Variants in LRRC37A2 observed in about 807,000 individuals in gnomAD.
LRRC37A2 encodes leucine-rich repeat-containing protein 37A2.
In LRRC37A2, 9 loss-of-function variants were observed where a neutral mutation model predicts 68.8. The ratio of observed to expected loss-of-function variants is 0.13; its 90% CI spans 0.08 to 0.23. The LOEUF is 0.23. Ranked by LOEUF, LRRC37A2 falls within the 10% of genes least tolerant of loss-of-function variation. LRRC37A2 has a pLI of 1.00. For synonymous variants in LRRC37A2, 63 were observed against 367.6 expected, an observed-to-expected ratio of 0.17 and a Z score of 9.48; for missense variants, 168 against 950.4, an observed-to-expected ratio of 0.18 and a Z score of 10.82.
At chr17:46,896,347 A>C in the LRRC37A2 span, among the ~76,000 whole-genome samples, 1 of 150,530 alleles carries the variant, frequency 6.6e-6, no homozygotes, top group African/African-American at 2.5e-5. Context: ...GAGAGAAAGA[A>C]AGAAAGAAAA....
the LRRC37A2 span, among the ~76,000 whole-genome samples, chr17:46,927,387 C>G: frequency 2.0e-5 from 3 of 151,974 alleles, no homozygotes; most frequent in African/African-American, 7.3e-5. Context: ...TCAGATGTAT[C>G]CATCTTTTTC....
chr17:47,027,160 C>G, the LRRC37A2 span, among the ~76,000 whole-genome samples: 1 of 152,092 alleles, frequency 6.6e-6, no homozygotes, highest in East Asian at 1.9e-4. Flanking sequence ...ATCTGCCAGC[C>G]TCGGCCTCCG....
At chr17:47,001,227 C>T in the LRRC37A2 span, among the ~76,000 whole-genome samples, 105,779 of 151,536 alleles carry the variant, frequency 0.7, 37,507 homozygotes, top group Middle Eastern at 0.78. Context: ...ATGTCCACCT[C>T]CCAGGATAGG....
the LRRC37A2 span, among the ~76,000 whole-genome samples, chr17:46,787,063 G>GT: frequency 6.6e-6 from 1 of 151,522 alleles, no homozygotes; most frequent in African/African-American, 2.4e-5. Context: ...TCAGCCTCCT[G>GT]AGTAGCTGAG....
chr17:46,939,914 T>C, the LRRC37A2 span: 1 of 998,482 alleles, frequency 1.0e-6, no homozygotes. Context: ...GGTTAGTGTA[T>C]GTTCTCATTT....
chr17:46,696,438 T>G, the LRRC37A2 span, among the ~76,000 whole-genome samples: 5 of 137,754 alleles, frequency 3.6e-5, 1 homozygote, highest in Admixed American at 3.8e-4. Context: ...GGTCAACTTG[T>G]GGGGTGAGAG....
At chr17:46,690,439 T>TA in the LRRC37A2 span, among the ~76,000 whole-genome samples, 26 of 19,690 alleles carry the variant, frequency 1.3e-3, no homozygotes, top group African/African-American at 6.9e-3. Flanking sequence ...CCATCTCTAC[T>TA]AAAAAAAAAA....
At chr17:47,040,355 C>A in the LRRC37A2 span, among the ~76,000 whole-genome samples, 2 of 151,672 alleles carry the variant, frequency 1.3e-5, no homozygotes, top group East Asian at 1.9e-4. Context: ...TTTCTCCCCC[C>A]ACCAAGTGTT....
At chr17:46,902,869 G>C in the LRRC37A2 span, among the ~76,000 whole-genome samples, 1 of 152,168 alleles carries the variant, frequency 6.6e-6, no homozygotes, top group South Asian at 2.1e-4. Flanking sequence ...CCTAAGCCAG[G>C]TGTGGTTATT....
At chr17:46,541,656 C>T (rs1180348553) in intron 8 of LRRC37A2, among the ~76,000 whole-genome samples, 2 of 150,666 alleles carry the variant, frequency 1.3e-5, no homozygotes, top group Non-Finnish European at 2.9e-5. Flanking sequence ...ATAGATTCAA[C>T]GAACCATGGA....
chr17:46,857,341 G>A, the LRRC37A2 span, among the ~76,000 whole-genome samples: 1 of 151,862 alleles, frequency 6.6e-6, no homozygotes, highest in Non-Finnish European at 1.5e-5. Flanking sequence ...TGATGGTGGT[G>A]GTGCATGCCT....
the LRRC37A2 span, chr17:46,940,085 C>T: frequency 8.8e-7 from 1 of 1,132,024 alleles, no homozygotes; most frequent in Non-Finnish European, 1.1e-6. Flanking sequence ...TGTCTTCTGT[C>T]TTATTTCCCT....
chr17:46,533,452 C>T (rs1346847204), intron 6 of LRRC37A2, among the ~76,000 whole-genome samples: 4 of 139,112 alleles, frequency 2.9e-5, no homozygotes, highest in African/African-American at 8.9e-5. Context: ...ACCTTATGTT[C>T]ATCAACTAGA....
the LRRC37A2 span, among the ~76,000 whole-genome samples, chr17:46,802,609 T>C: frequency 3.3e-5 from 5 of 151,996 alleles, no homozygotes; most frequent in African/African-American, 4.8e-5. Flanking sequence ...CCCAACCCCA[T>C]CCTTTGGGAA....
the LRRC37A2 span, among the ~76,000 whole-genome samples, chr17:46,679,211 C>T: frequency 6.6e-6 from 1 of 151,160 alleles, no homozygotes; most frequent in Non-Finnish European, 1.5e-5. Context: ...GAGGTGCTCC[C>T]AGGATGCTAG....
intron 6 of LRRC37A2, among the ~76,000 whole-genome samples, chr17:46,526,571 TG>T (rs2052793073): frequency 9.6e-6 from 1 of 104,020 alleles, no homozygotes; most frequent in Non-Finnish European, 2.1e-5. Flanking sequence ...AAATCATCCC[TG>T]GGTTCCAATA....
chr17:46,862,275 C>G, the LRRC37A2 span, among the ~76,000 whole-genome samples: 1 of 151,490 alleles, frequency 6.6e-6, no homozygotes, highest in East Asian at 1.9e-4. Context: ...ATTAAAAGTA[C>G]AGAAAGGTAA....
At chr17:46,846,497 C>T in the LRRC37A2 span, among the ~76,000 whole-genome samples, 1 of 152,208 alleles carries the variant, frequency 6.6e-6, no homozygotes. Flanking sequence ...TCAACATAGG[C>T]ACTGGCACAA....
At chr17:46,974,987 C>CTTTTTTTTTT in the LRRC37A2 span, among the ~76,000 whole-genome samples, 782 of 118,908 alleles carry the variant, frequency 6.6e-3, 19 homozygotes, top group Middle Eastern at 0.014. Context: ...TTACTATTTT[C>CTTTTTTTTTT]TTTTTTTTTT....
Sources: allele counts gnomAD v4.1 joint callset (sites outside exome capture counted in the v4.1 genomes callset), GRCh38; gene constraint gnomAD v4.1.1; transcripts MANE v1.5; gene names NCBI Gene and HGNC (gene_info 2026-07-23, HGNC 2026-07-21).